Variants in MSRB3 observed in about 807,000 individuals in gnomAD.
MSRB3 encodes the protein methionine sulfoxide reductase B3.
In MSRB3, 13 loss-of-function variants were observed where a neutral mutation model predicts 21.0. That is an observed-to-expected ratio of 0.62 (90% confidence interval 0.40 to 0.98). MSRB3 has a LOEUF of 0.98. Among genes scored for constraint, MSRB3 ranks in the 50% least tolerant of loss-of-function variants. MSRB3 has a pLI of 0.00. For synonymous variants in MSRB3, 87 were observed against 88.6 expected (o/e 0.98, Z 0.10); for missense variants, 199 against 230.3 (o/e 0.86, Z 0.88).
Position 65,376,102 on chromosome 12 carries a change from A to C in MSRB3, c.292+7076A>C, listed in dbSNP as rs1878599705. Among the ~76,000 whole-genome samples the C allele has an allele frequency of 2.0e-5, 3 of 150,656 alleles. No homozygotes were observed. In the South Asian group the frequency reaches 6.3e-4, roughly 32 times the overall value. ...TTATTTTATCTGACAAGGACAGTGA[A>C]AGGAATGAGTTTGTAATTTTTTTTT... On this transcript the variant is annotated intron_variant, in intron 5 of 6. Coordinates refer to ENST00000308259, the MANE Select transcript of MSRB3 (RefSeq NM_001031679.3).
At chr12:65,293,937 A>G (rs1293167834) in intron 1 of MSRB3, among the ~76,000 whole-genome samples, 6 of 152,124 alleles carry the variant, frequency 3.9e-5, no homozygotes, top group Admixed American at 3.9e-4. Flanking sequence ...CTGTAGGTTT[A>G]CTTTCAGAGC....
chr12:65,280,131 G>A (rs1309203625), intron 1 of MSRB3, among the ~76,000 whole-genome samples: 1 of 151,960 alleles, frequency 6.6e-6, no homozygotes, highest in African/African-American at 2.4e-5. Context: ...AAAACTTCAG[G>A]GTTCATATAA....
chr12:65,348,971 A>G (rs981104103), intron 4 of MSRB3, among the ~76,000 whole-genome samples: 2 of 152,042 alleles, frequency 1.3e-5, no homozygotes, highest in Non-Finnish European at 2.9e-5. Flanking sequence ...GGTTAGTTAC[A>G]TATGTATACA....
intron 2 of MSRB3, among the ~76,000 whole-genome samples, chr12:65,310,125 A>G (rs1367646165): frequency 6.6e-6 from 1 of 152,012 alleles, no homozygotes; most frequent in Non-Finnish European, 1.5e-5. Context: ...TAGCAAATAC[A>G]CTTTTTTTAA....
intron 6 of MSRB3, chr12:65,454,132 T>C: frequency 1.7e-6 from 1 of 587,020 alleles, no homozygotes. Flanking sequence ...GAAAATATTT[T>C]AAAACTTAGC....
chr12:65,342,532 T>G (rs1012565954), intron 4 of MSRB3, among the ~76,000 whole-genome samples: 5 of 151,986 alleles, frequency 3.3e-5, no homozygotes, highest in African/African-American at 1.2e-4. Context: ...CAGGGTAGAG[T>G]GTGAATTGGT....
chr12:65,326,815 T>A lies in MSRB3; in HGVS notation c.77-11T>A. 6.2e-7 allele frequency: 1 copy of A among 1,608,006 alleles called. No individual in the cohort carries two copies. Among genetic ancestry groups the A allele is most frequent in the Non-Finnish European group, 8.5e-7 (1 of 1,174,704 alleles). On this transcript the variant is annotated splice_polypyrimidine_tract_variant and intron_variant, in intron 2 of 6. Coordinates refer to ENST00000308259, the MANE Select transcript of MSRB3 (RefSeq NM_001031679.3). ...AAAAGGCTTCTTCTCCCATATCCTC[T>A]CTCTTTTCAGGGTCGTGTAGGGATA...
intron 4 of MSRB3, among the ~76,000 whole-genome samples, chr12:65,358,301 A>G (rs1016660312): frequency 6.6e-6 from 1 of 151,272 alleles, no homozygotes; most frequent in African/African-American, 2.4e-5. Context: ...ATTTTTTTTT[A>G]TAGAGAAGGG....
rs567368165 is a variant in MSRB3, at chr12:65,446,339, C to A, written c.293-7389C>A. On this transcript the variant is annotated intron_variant, in intron 5 of 6. Coordinates refer to ENST00000308259, the MANE Select transcript of MSRB3 (RefSeq NM_001031679.3). ...TTTGTGTTAATCTCATACAGCTAAC[C>A]CATAATCCGTTTTTAGCCACAGAGT... Among the ~76,000 whole-genome samples, 15 of 152,242 alleles carry A rather than the reference C, an allele frequency of 9.9e-5. No individual in the cohort carries two copies. The South Asian group carries it at 1.5e-3, about 15-fold the overall frequency.
intron 2 of MSRB3, among the ~76,000 whole-genome samples, chr12:65,314,348 T>G (rs143028237): frequency 1.6e-3 from 247 of 152,272 alleles, no homozygotes; most frequent in African/African-American, 5.6e-3. Context: ...GTTTAGCATG[T>G]TGACTGTTAA....
intron 5 of MSRB3, among the ~76,000 whole-genome samples, chr12:65,426,717 A>T (rs1464647893): frequency 6.6e-6 from 1 of 151,994 alleles, no homozygotes; most frequent in Non-Finnish European, 1.5e-5. Flanking sequence ...TAAATCCCTT[A>T]AGGTTTTATT....
At chr12:65,358,662 C>T (rs1877528796) in intron 4 of MSRB3, among the ~76,000 whole-genome samples, 1 of 151,828 alleles carries the variant, frequency 6.6e-6, no homozygotes, top group Admixed American at 6.6e-5. Flanking sequence ...TCAAGGAGTC[C>T]TGGTTTTCTT....
chr12:65,339,948 T>G (rs1876030733), intron 4 of MSRB3, among the ~76,000 whole-genome samples: 1 of 152,222 alleles, frequency 6.6e-6, no homozygotes, highest in South Asian at 2.1e-4. Flanking sequence ...GATTAAATTA[T>G]CTGGAGTGCA....
rs375213286 is a variant in MSRB3 at position 65,318,931 on chromosome 12, T to C, written c.77-7895T>C. Among the ~76,000 whole-genome samples the C allele has an allele frequency of 6.6e-5, 10 of 152,274 alleles. No homozygotes were observed. The East Asian group carries it at 1.3e-3, about 21-fold the overall frequency. ...ATAACACAAATGAAAGATAGAAAAGTAAAATGTGGCTTCTATCGTACAGTC... is the reference window on the plus strand; with the variant it reads ...ATAACACAAATGAAAGATAGAAAAGCAAAATGTGGCTTCTATCGTACAGTC... On this transcript the variant is annotated intron_variant, in intron 2 of 6. Coordinates refer to ENST00000308259, the MANE Select transcript of MSRB3 (RefSeq NM_001031679.3).
rs754268221 is a variant in MSRB3, at chr12:65,313,238, G to A, written c.76+4583G>A. ...TTGTTGTGCTTTAAAGTCTCCATTT[G>A]TAAAGAGGAAATACTACAGATACAC... On this transcript the variant is annotated intron_variant, in intron 2 of 6. Coordinates refer to ENST00000308259, the MANE Select transcript of MSRB3 (RefSeq NM_001031679.3). Among the ~76,000 whole-genome samples, 8 of 152,164 alleles carry A rather than the reference G, an allele frequency of 5.3e-5. No homozygotes were observed. In the East Asian group the frequency reaches 5.8e-4, roughly 11 times the overall value.
At chr12:65,333,961 C>T (rs1875596501) in intron 4 of MSRB3, among the ~76,000 whole-genome samples, 1 of 152,118 alleles carries the variant, frequency 6.6e-6, no homozygotes, top group Non-Finnish European at 1.5e-5. Context: ...AGATGTAAGC[C>T]ATAACAGTGC....
At chr12:65,358,807 T>C (rs370460665) in intron 4 of MSRB3, among the ~76,000 whole-genome samples, 1 of 151,984 alleles carries the variant, frequency 6.6e-6, no homozygotes, top group Non-Finnish European at 1.5e-5. Context: ...CAACCTGTGA[T>C]GGGTTATCCT....
intron 5 of MSRB3, among the ~76,000 whole-genome samples, chr12:65,444,433 T>C (rs1882522186): frequency 1.3e-5 from 2 of 152,336 alleles, no homozygotes; most frequent in South Asian, 2.1e-4. Context: ...CTTTGGAGCA[T>C]TTGAGTAATG....
intron 5 of MSRB3, among the ~76,000 whole-genome samples, chr12:65,381,696 T>C (rs1339574232): frequency 1.3e-5 from 2 of 152,078 alleles, no homozygotes; most frequent in South Asian, 4.1e-4. Context: ...GAGGTTCTTT[T>C]GATTTTTCAT....
Sources: allele counts gnomAD v4.1 joint callset (sites outside exome capture counted in the v4.1 genomes callset), GRCh38; gene constraint gnomAD v4.1.1; transcripts MANE v1.5; gene names NCBI Gene and HGNC (gene_info 2026-07-23, HGNC 2026-07-21).